Variants in DUXA observed in about 807,000 individuals in gnomAD.
DUXA encodes double homeobox protein A.
Under a neutral mutation model 27.5 loss-of-function variants are expected in DUXA, and 25 were observed. That is an observed-to-expected ratio of 0.91 (90% CI 0.66 to 1.27). The LOEUF is 1.27. DUXA is among the 50% of genes most tolerant of loss of function. The probability of loss-of-function intolerance (pLI) is 0.00; values close to 1 mark genes in which losing one functional copy is unlikely to be tolerated. For synonymous variants in DUXA, 90 were observed against 80.5 expected, an observed-to-expected ratio of 1.12 and a Z score of -0.63; for missense variants, 247 against 242.9, an observed-to-expected ratio of 1.02 and a Z score of -0.11.
At position 57,167,483 on chromosome 19, in the gene DUXA, G is replaced by A; in HGVS notation, c.-40C>T. 6.2e-7 allele frequency: 1 copy of A among 1,608,900 alleles called. No individual in the cohort carries two copies. Among genetic ancestry groups the A allele is most frequent in the Non-Finnish European group, 8.5e-7 (1 of 1,178,488 alleles). On this transcript the variant is annotated 5_prime_UTR_variant, in exon 1 of 6. Transcript: ENST00000554048. Reference sequence around the variant, plus strand: ...CTGAAGGCTGAGCCACTGTCTGGGAGACAAGTCACTCTGCGCAGAGACTGG... The same window carrying A: ...CTGAAGGCTGAGCCACTGTCTGGGAAACAAGTCACTCTGCGCAGAGACTGG...
intron 1 of DUXA, among the ~76,000 whole-genome samples, chr19:57,163,982 A>G (rs1386108307): frequency 6.6e-6 from 1 of 152,104 alleles, no homozygotes; most frequent in Non-Finnish European, 1.5e-5. Context: ...TTGAGAGGCC[A>G]GGACAGGTGG....
chr19:57,160,678 C>G lies in DUXA; in HGVS notation c.145G>C (p.Ala49Pro), dbSNP rs1215923182. The change falls in exon 2 of 6, where the codon GCT becomes CCT. Residue 49 changes from alanine (A) to proline (P), a missense_variant. Ala to Pro is a conservative substitution (Grantham distance 27). Coordinates refer to ENST00000554048, the MANE Select transcript of DUXA (RefSeq NM_001012729.2). ...YPGYATKQKL[A>P]LEINTEESRI... is the part of the protein sequence containing the mutation. ...GACTCTTCTGTATTGATTTCTAAAGCAAGTTTTTGTTTGGTAGCATAACCT... is the reference window on the plus strand; with the variant it reads ...GACTCTTCTGTATTGATTTCTAAAGGAAGTTTTTGTTTGGTAGCATAACCT... 4 of 1,613,578 alleles carry G rather than the reference C, an allele frequency of 2.5e-6. No homozygotes were observed. The South Asian group carries it at 3.3e-5, about 13-fold the overall frequency.
At chr19:57,164,470 G>C (rs967798680) in intron 1 of DUXA, among the ~76,000 whole-genome samples, 6 of 152,166 alleles carry the variant, frequency 3.9e-5, no homozygotes, top group African/African-American at 1.4e-4. Flanking sequence ...AGCAACTTGG[G>C]AGGCTGAGGC....
At chr19:57,155,547 G>A (rs114888250) in intron 4 of DUXA, among the ~76,000 whole-genome samples, 175 bp from the exon 5 acceptor site, 2,503 of 151,670 alleles carry the variant, frequency 0.017, 52 homozygotes, top group African/African-American at 0.049. Flanking sequence ...TTGTAGAGAC[G>A]AGGTTTCACC....
intron 1 of DUXA, 97 bp downstream of exon 1, chr19:57,167,322 A>G: frequency 6.7e-7 from 1 of 1,495,508 alleles, no homozygotes; most frequent in Non-Finnish European, 9.3e-7. Context: ...TAAAGTTTAA[A>G]AATGGAACTC....
chr19:57,157,854 C>T (rs531044640), intron 4 of DUXA, among the ~76,000 whole-genome samples: 114 of 151,908 alleles, frequency 7.5e-4, no homozygotes, highest in Admixed American at 7.4e-3. Flanking sequence ...ATTAGCCAGG[C>T]GTGGTGGCAC....
chr19:57,158,240 G>T, intron 4 of DUXA, 88 bp downstream of exon 4: 2 of 1,470,588 alleles, frequency 1.4e-6, no homozygotes, highest in Non-Finnish European at 1.9e-6. Flanking sequence ...TGCCCAGCAT[G>T]ATGAGGAACT....
At chr19:57,157,817 C>T (rs2086999749) in intron 4 of DUXA, among the ~76,000 whole-genome samples, 1 of 151,846 alleles carries the variant, frequency 6.6e-6, no homozygotes, top group Non-Finnish European at 1.5e-5. Context: ...ATGGCGAAAC[C>T]CTGTCTCTAC....
intron 1 of DUXA, among the ~76,000 whole-genome samples, chr19:57,165,952 G>T (rs570588705): frequency 6.6e-6 from 1 of 152,180 alleles, no homozygotes; most frequent in African/African-American, 2.4e-5. Context: ...CGGCAAAGAA[G>T]ACTCAAGTGG....
intron 3 of DUXA, 61 bp downstream of exon 3, chr19:57,159,106 T>C: frequency 7.0e-7 from 1 of 1,438,412 alleles, no homozygotes; most frequent in South Asian, 1.2e-5. Flanking sequence ...TTTTTCAAAG[T>C]CGCAGTTGGC....
At chr19:57,164,441 G>A (rs2087040569) in intron 1 of DUXA, among the ~76,000 whole-genome samples, 1 of 152,080 alleles carries the variant, frequency 6.6e-6, no homozygotes, top group Non-Finnish European at 1.5e-5. Flanking sequence ...CAGGCATGGT[G>A]GTGCATACCT....
chr19:57,157,389 T>C (rs2086997815), intron 4 of DUXA, among the ~76,000 whole-genome samples: 1 of 151,988 alleles, frequency 6.6e-6, no homozygotes, highest in African/African-American at 2.4e-5. Context: ...TGGAGTGCAG[T>C]GGTGCAATCT....
At chr19:57,161,390 G>A (rs111793967) in intron 1 of DUXA, among the ~76,000 whole-genome samples, 27,177 of 139,576 alleles carry the variant, frequency 0.19, 3,690 homozygotes, top group African/African-American at 0.34. Context: ...TTGGGAGGCC[G>A]AGGCGGGCGG....
intron 5 of DUXA, 85 bp from the exon 6 acceptor site, chr19:57,154,567 C>CT (rs201840017): frequency 0.069 from 53,383 of 769,550 alleles, 6 homozygotes; most frequent in Non-Finnish European, 0.079. Context: ...CCCACCTTTT[C>CT]TTTTTTTTTT....
At chr19:57,159,326 A>ACACGTAAAT in intron 2 of DUXA, 48 bp from the exon 3 acceptor site, 1 of 1,543,866 alleles carries the variant, frequency 6.5e-7, no homozygotes, top group South Asian at 1.1e-5. Context: ...ATGTCATTTA[A>ACACGTAAAT]GCTACATCAC....
chr19:57,161,785 A>G (rs1173978597), intron 1 of DUXA, among the ~76,000 whole-genome samples: 1 of 152,196 alleles, frequency 6.6e-6, no homozygotes, highest in Non-Finnish European at 1.5e-5. Context: ...TAGTGATGAA[A>G]CCATAGAAAC....
chr19:57,162,087 C>T (rs988064105), intron 1 of DUXA, among the ~76,000 whole-genome samples: 1 of 151,904 alleles, frequency 6.6e-6, no homozygotes, highest in Non-Finnish European at 1.5e-5. Flanking sequence ...AGTTTCGCCA[C>T]GTTGTCCAGG....
intron 4 of DUXA, 80 bp from the exon 5 acceptor site, chr19:57,155,452 T>G: frequency 8.5e-7 from 1 of 1,180,180 alleles, no homozygotes; most frequent in Non-Finnish European, 1.2e-6. Context: ...TCTTTTTTCT[T>G]TTCTGTTTTT....
intron 4 of DUXA, 39 bp downstream of exon 4, chr19:57,158,289 A>T (rs1195566954): frequency 1.2e-6 from 2 of 1,608,436 alleles, no homozygotes; most frequent in South Asian, 2.2e-5. Context: ...GTATACCTAG[A>T]TCCCTAGGAG....
Sources: gnomAD v4.1 joint callset for allele counts (sites outside exome capture counted in the v4.1 genomes callset) on GRCh38, gnomAD v4.1.1 for gene constraint, MANE v1.5 for transcripts, NCBI Gene and HGNC (gene_info 2026-07-23, HGNC 2026-07-21) for gene names.